Variants in CSMD1 observed in about 807,000 individuals in gnomAD.
The protein encoded by CSMD1 is CUB and Sushi multiple domains 1.
In CSMD1, 213 loss-of-function variants were observed where a neutral mutation model predicts 417.5. That is an observed-to-expected ratio of 0.51 (90% CI 0.46 to 0.57). The LOEUF (loss-of-function observed/expected upper bound fraction) is 0.57, where lower values mean the gene tolerates loss of function less well. CSMD1 is among the 20% of genes least tolerant of loss of function. The pLI is 0.00. For missense variants in CSMD1, 6,923 were observed against 4,529.7 expected, an observed-to-expected ratio of 1.53 and a Z score of -15.17; for synonymous variants, 2,862 against 1,736.8, an observed-to-expected ratio of 1.65 and a Z score of -16.11.
intron 2 of CSMD1, among the ~76,000 whole-genome samples, chr8:4,497,277 TCTTTGCAACCCAAAGCAAGGAATTTTG>T (rs1802026489): frequency 6.6e-6 from 1 of 152,210 alleles, no homozygotes; most frequent in Non-Finnish European, 1.5e-5. Context: ...TATCATTACT[TCTTTGCAACCCAAAGCAAGGAATTTTG>T]AAACGATTAT....
chr8:4,838,655 C>G (rs561839226), intron 1 of CSMD1, among the ~76,000 whole-genome samples: 3 of 152,272 alleles, frequency 2.0e-5, no homozygotes, highest in Non-Finnish European at 2.9e-5. Flanking sequence ...ATTGCAGACG[C>G]GGAGGTGGGA....
At chr8:3,298,520 C>T (rs1257123443) in intron 25 of CSMD1, among the ~76,000 whole-genome samples, 3 of 152,278 alleles carry the variant, frequency 2.0e-5, no homozygotes, top group Middle Eastern at 3.4e-3. Flanking sequence ...ATGGAATGAT[C>T]GTGGCTCACT....
intron 2 of CSMD1, among the ~76,000 whole-genome samples, chr8:4,448,854 G>A (rs1798967742): frequency 6.6e-6 from 1 of 152,114 alleles, no homozygotes. Context: ...TCTTCTTTCT[G>A]ATGTGTATCC....
intron 5 of CSMD1, among the ~76,000 whole-genome samples, chr8:3,965,866 C>G (rs940214765): frequency 6.6e-6 from 1 of 152,154 alleles, no homozygotes. Context: ...CTGTGCCAGC[C>G]TTGGCCTTTT....
intron 25 of CSMD1, among the ~76,000 whole-genome samples, chr8:3,295,569 A>C: frequency 6.6e-6 from 1 of 152,188 alleles, no homozygotes; most frequent in East Asian, 1.9e-4. Context: ...TAATTTTGAC[A>C]CGTGGTACCG....
At chr8:3,253,894 T>C (rs1800455942) in intron 26 of CSMD1, among the ~76,000 whole-genome samples, 1 of 152,230 alleles carries the variant, frequency 6.6e-6, no homozygotes, top group Non-Finnish European at 1.5e-5. Context: ...TATATTGTTA[T>C]GTGTGAATTT....
intron 5 of CSMD1, among the ~76,000 whole-genome samples, chr8:3,921,414 T>C (rs951541552): frequency 8.5e-5 from 13 of 152,258 alleles, no homozygotes; most frequent in African/African-American, 3.1e-4. Flanking sequence ...CTAACTTGTA[T>C]TATTTTCTTT....
At chr8:3,240,659 G>A (rs966364552) in intron 26 of CSMD1, among the ~76,000 whole-genome samples, 1 of 152,042 alleles carries the variant, frequency 6.6e-6, no homozygotes, top group Admixed American at 6.6e-5. Flanking sequence ...AAGAGAGGCT[G>A]GAATGAAAGG....
intron 12 of CSMD1, among the ~76,000 whole-genome samples, chr8:3,411,003 T>A (rs553356494): frequency 6.6e-6 from 1 of 152,274 alleles, no homozygotes; most frequent in East Asian, 1.9e-4. Flanking sequence ...GTGATCCCAG[T>A]GTGCCGGGCA....
chr8:4,809,451 G>A (rs1489523893), intron 1 of CSMD1, among the ~76,000 whole-genome samples: 1 of 152,118 alleles, frequency 6.6e-6, no homozygotes, highest in African/African-American at 2.4e-5. Context: ...TAAGAATACT[G>A]TATGTATAAA....
At chr8:4,730,756 A>G (rs531793095) in intron 1 of CSMD1, among the ~76,000 whole-genome samples, 97 of 152,162 alleles carry the variant, frequency 6.4e-4, no homozygotes, top group African/African-American at 2.3e-3. Flanking sequence ...AACAAATAAA[A>G]AAAAAAAGAA....
At chr8:3,810,839 G>C (rs887295427) in intron 5 of CSMD1, among the ~76,000 whole-genome samples, 2 of 152,070 alleles carry the variant, frequency 1.3e-5, no homozygotes, top group African/African-American at 4.8e-5. Context: ...TCAAAGATGG[G>C]GCCATTGATC....
chr8:4,049,761 T>A (rs960448701), intron 3 of CSMD1, among the ~76,000 whole-genome samples: 1 of 152,216 alleles, frequency 6.6e-6, no homozygotes, highest in African/African-American at 2.4e-5. Flanking sequence ...AGAATCTCCA[T>A]AAATGGCCAC....
chr8:4,047,662 T>C (rs1798218481), intron 3 of CSMD1, among the ~76,000 whole-genome samples: 2 of 152,130 alleles, frequency 1.3e-5, no homozygotes, highest in Non-Finnish European at 2.9e-5. Context: ...ATTTGGGGCA[T>C]GCAGAGAGAA....
intron 54 of CSMD1, among the ~76,000 whole-genome samples, chr8:2,992,585 G>A (rs1032081015): frequency 1.3e-5 from 2 of 150,968 alleles, no homozygotes; most frequent in African/African-American, 4.9e-5. Context: ...CACCACACCT[G>A]GCTAATTTTT....
intron 2 of CSMD1, among the ~76,000 whole-genome samples, chr8:4,629,861 C>T: frequency 6.6e-6 from 1 of 152,096 alleles, no homozygotes; most frequent in East Asian, 1.9e-4. Flanking sequence ...TCTGCTTGTT[C>T]TTCTGTTCCC....
At chr8:4,658,153 G>A (rs890577188) in intron 1 of CSMD1, among the ~76,000 whole-genome samples, 26 of 152,172 alleles carry the variant, frequency 1.7e-4, no homozygotes, top group Admixed American at 1.4e-3. Flanking sequence ...ATCCAAAAGG[G>A]AAGGAGAAAG....
chr8:4,266,546 T>C lies in CSMD1; in HGVS notation c.415+153407A>G, dbSNP rs1222690536. ...AACAATTTCATACTCATGCCTCATA[T>C]CCTTCCTTCAGAAAAACAATTTTAA... On this transcript the variant is annotated intron_variant, in intron 3 of 69. Coordinates refer to ENST00000635120, the MANE Select transcript of CSMD1 (RefSeq NM_033225.6). Among the ~76,000 whole-genome samples, 4 of 104,836 alleles carry C rather than the reference T, an allele frequency of 3.8e-5. 2 individuals carry two copies. The highest frequency in any genetic ancestry group is 1.0e-4 in the African/African-American group (4 of 38,392). The allele number at this position is 104,836 out of a possible 152,430, so 68.8% of individuals were successfully genotyped here.
At chr8:4,184,531 A>G (rs1287144629) in intron 3 of CSMD1, among the ~76,000 whole-genome samples, 1 of 152,232 alleles carries the variant, frequency 6.6e-6, no homozygotes, top group Non-Finnish European at 1.5e-5. Context: ...CTATGCAGCC[A>G]TAAAAAAGGA....
Sources: allele counts gnomAD v4.1 joint callset (sites outside exome capture counted in the v4.1 genomes callset), GRCh38; gene constraint gnomAD v4.1.1; transcripts MANE v1.5; gene names NCBI Gene and HGNC (gene_info 2026-07-23, HGNC 2026-07-21).